Variants in NR3C2 observed in about 807,000 individuals in gnomAD.
NR3C2 encodes the protein nuclear receptor subfamily 3 group C member 2.
A neutral mutation model predicts 86.4 loss-of-function variants in NR3C2; 15 were observed. The ratio of observed to expected loss-of-function variants is 0.17; its 90% CI spans 0.12 to 0.27. The LOEUF (loss-of-function observed/expected upper bound fraction) is 0.27. Ranked by LOEUF, NR3C2 falls within the 10% of genes least tolerant of loss-of-function variation. The pLI is 1.00. For synonymous variants in NR3C2, 458 were observed against 450.5 expected, an observed-to-expected ratio of 1.02 and a Z score of -0.21; for missense variants, 960 against 1,195.6, an observed-to-expected ratio of 0.80 and a Z score of 2.91.
intron 4 of NR3C2, among the ~76,000 whole-genome samples, chr4:148,187,180 G>A (rs1362769666): frequency 6.6e-6 from 1 of 151,616 alleles, no homozygotes; most frequent in African/African-American, 2.4e-5. Flanking sequence ...AAACATGCGT[G>A]TACAAGTATA....
chr4:148,369,830 T>C (rs2126374293), intron 2 of NR3C2, among the ~76,000 whole-genome samples: 1 of 152,284 alleles, frequency 6.6e-6, no homozygotes, highest in African/African-American at 2.4e-5. Flanking sequence ...AAAAGTGATA[T>C]TGCAAAAGGC....
chr4:148,293,459 A>G (rs1225591261), intron 2 of NR3C2, among the ~76,000 whole-genome samples: 1 of 152,224 alleles, frequency 6.6e-6, no homozygotes, highest in African/African-American at 2.4e-5. Context: ...TATCTTATAG[A>G]TGGGGCCTAC....
chr4:148,084,755 T>C (rs1325701411), intron 8 of NR3C2, among the ~76,000 whole-genome samples: 1 of 152,202 alleles, frequency 6.6e-6, no homozygotes, highest in African/African-American at 2.4e-5. Context: ...CGGTGTGCTG[T>C]ATTCAGAAGA....
chr4:148,213,719 T>C (rs910178397), intron 3 of NR3C2, among the ~76,000 whole-genome samples: 6 of 152,240 alleles, frequency 3.9e-5, no homozygotes, highest in African/African-American at 1.2e-4. Context: ...TCTTCTTCAA[T>C]GGGGCATGCA....
chr4:148,108,738 C>T lies in NR3C2; in HGVS notation c.2799+5366G>A, dbSNP rs140767121. Among the ~76,000 whole-genome samples, 17 of 152,306 alleles carry T rather than the reference C, an allele frequency of 1.1e-4. No homozygotes were observed. The East Asian group carries it at 2.3e-3, about 21-fold the overall frequency. ...TCTAATGGTCGTACACAGAAGCAAA[C>T]GCCTCCAAGCCAAGGCCTGCTCAGC... is the stretch of plus-strand genomic sequence containing the variant. On this transcript the variant is annotated intron_variant, in intron 8 of 8. Transcript: ENST00000358102.
At chr4:148,141,762 T>C (rs2149754074) in intron 6 of NR3C2, among the ~76,000 whole-genome samples, 1 of 152,226 alleles carries the variant, frequency 6.6e-6, no homozygotes, top group East Asian at 1.9e-4. Flanking sequence ...CTCATAGGAC[T>C]GCGAACCCTA....
chr4:148,346,578 T>C (rs1745004098), intron 2 of NR3C2, among the ~76,000 whole-genome samples: 1 of 152,000 alleles, frequency 6.6e-6, no homozygotes, highest in Admixed American at 6.6e-5. Context: ...CCCACTGTGG[T>C]AGCCACTAGC....
chr4:148,181,436 C>T (rs915542811), intron 4 of NR3C2, among the ~76,000 whole-genome samples: 1 of 151,928 alleles, frequency 6.6e-6, no homozygotes, highest in African/African-American at 2.4e-5. Flanking sequence ...CTCTATGATC[C>T]CCTCTATATT....
rs1743602179 is a variant in NR3C2, at chr4:148,321,682, CAG to C, written c.1758-61567_1758-61566del. Among the ~76,000 whole-genome samples the C allele has an allele frequency of 4.6e-5, 7 of 152,188 alleles. 1 individual carries two copies. In the South Asian group the frequency reaches 1.5e-3, roughly 32 times the overall value. On this transcript the variant is annotated intron_variant, in intron 2 of 8. Transcript: ENST00000358102. ...TTTGTTGGTTTAAAGTCTGTTTTAT[CAG>C]AGACTAGGATTGCAACCCCTGCCTT... is the stretch of plus-strand genomic sequence containing the variant.
At chr4:148,229,810 T>A (rs1044101113) in intron 3 of NR3C2, among the ~76,000 whole-genome samples, 3 of 152,194 alleles carry the variant, frequency 2.0e-5, no homozygotes, top group African/African-American at 7.2e-5. Context: ...TAAAGGGACA[T>A]TGTAGTGGAC....
chr4:148,129,659 G>A (rs780392761), intron 6 of NR3C2, among the ~76,000 whole-genome samples: 126 of 152,150 alleles, frequency 8.3e-4, no homozygotes, highest in Middle Eastern at 3.4e-3. Context: ...GCAGTGGCAC[G>A]ATCTCGGCTC....
At chr4:148,194,193 A>G (rs753220490) in intron 4 of NR3C2, among the ~76,000 whole-genome samples, 27 of 152,210 alleles carry the variant, frequency 1.8e-4, no homozygotes, top group Non-Finnish European at 3.2e-4. Flanking sequence ...TTACAGATTA[A>G]CTTAGGGAAA....
Position 148,435,492 on chromosome 4 carries a change from A to C in NR3C2, c.1369T>G (p.Tyr457Asp), listed in dbSNP as rs551366399. The change falls in exon 2 of 9, where the codon TAT becomes GAT. Residue 457 changes from tyrosine to aspartate, a missense_variant. This residue lies in a region of NR3C2 where 680 missense variants were observed against 719.0 expected (regional missense o/e 0.95). Transcript: ENST00000358102. ...VNPFPFMDGSYFSFMDDKDYY... is the reference protein window; with the variant it reads ...VNPFPFMDGSDFSFMDDKDYY... Reference sequence around the variant, plus strand: ...TCTTTATCATCCATAAAGGAAAAATACGAGCCATCCATAAATGGAAACGGG... The same window carrying C: ...TCTTTATCATCCATAAAGGAAAAATCCGAGCCATCCATAAATGGAAACGGG... 1.9e-6 allele frequency: 3 copies of C among 1,614,076 alleles called. No homozygotes were observed. The African/African-American group carries it at 4.0e-5, about 22-fold the overall frequency.
chr4:148,234,499 G>A (rs867072942), intron 3 of NR3C2, among the ~76,000 whole-genome samples: 15 of 151,902 alleles, frequency 9.9e-5, no homozygotes, highest in East Asian at 1.9e-4. Flanking sequence ...GTGAAACCCC[G>A]TATTTGTATT....
chr4:148,199,249 A>G (rs1479131651), intron 3 of NR3C2, among the ~76,000 whole-genome samples: 1 of 152,096 alleles, frequency 6.6e-6, no homozygotes, highest in Non-Finnish European at 1.5e-5. Context: ...AACGCCATTC[A>G]GCTCCGAACC....
intron 2 of NR3C2, among the ~76,000 whole-genome samples, chr4:148,385,336 T>A (rs941892709): frequency 1.3e-5 from 2 of 152,216 alleles, no homozygotes; most frequent in African/African-American, 4.8e-5. Context: ...AGGTCAACCC[T>A]GGCAACAATT....
At chr4:148,116,981 T>G (rs1233003340) in intron 7 of NR3C2, among the ~76,000 whole-genome samples, 1 of 152,216 alleles carries the variant, frequency 6.6e-6, no homozygotes, top group African/African-American at 2.4e-5. Context: ...GTTAATAATC[T>G]AGCTTGGCAG....
Position 148,118,324 on chromosome 4 carries a change from G to A in NR3C2, c.2641+1834C>T, listed in dbSNP as rs564775068. ...TGGTCAACTCCAGTGGCCTTCTGTC[G>A]GGGTTATCAACTTTCTCTGTGGAGG... On this transcript the variant is annotated intron_variant, in intron 7 of 8. Transcript: ENST00000358102. Among the ~76,000 whole-genome samples the A allele has an allele frequency of 6.6e-5, 10 of 152,180 alleles. No homozygotes were observed. The South Asian group carries it at 8.3e-4, about 13-fold the overall frequency.
intron 2 of NR3C2, among the ~76,000 whole-genome samples, chr4:148,346,727 T>A (rs1036849179): frequency 6.6e-5 from 10 of 152,170 alleles, no homozygotes; most frequent in Non-Finnish European, 1.3e-4. Context: ...GTTGAAATAA[T>A]ATTTTGATAT....
Sources: gnomAD v4.1 joint callset for allele counts (sites outside exome capture counted in the v4.1 genomes callset) on GRCh38, gnomAD v4.1.1 for gene constraint, gnomAD v4.1.1 regional missense constraint, MANE v1.5 for transcripts, NCBI Gene and HGNC (gene_info 2026-07-23, HGNC 2026-07-21) for gene names.